The following LRCH3 variants were observed in gnomAD, a reference collection of about 807,000 sequenced individuals.
LRCH3 encodes leucine rich repeats and calponin homology domain containing 3, also known as DISP complex protein LRCH3.
LRCH3 carries 68 observed loss-of-function variants against 104.5 expected under a neutral mutation model. That is an observed-to-expected ratio of 0.65 (90% CI 0.54 to 0.80). LRCH3 has a LOEUF of 0.80. LRCH3 is among the 30% of genes least tolerant of loss of function. The pLI, the probability that LRCH3 is intolerant of heterozygous loss-of-function variation, is 0.00. For synonymous variants in LRCH3, 344 were observed against 361.3 expected, an observed-to-expected ratio of 0.95 and a Z score of 0.54; for missense variants, 951 against 953.9, an observed-to-expected ratio of 1.00 and a Z score of 0.04.
chr3:197,820,677 C>T (rs945214176), intron 4 of LRCH3, among the ~76,000 whole-genome samples: 8 of 152,126 alleles, frequency 5.3e-5, no homozygotes, highest in South Asian at 4.1e-4. Context: ...AGGGGGCTGG[C>T]GCACTCTTGT....
At chr3:197,800,968 G>A (rs1235758345) in intron 1 of LRCH3, among the ~76,000 whole-genome samples, 1 of 151,840 alleles carries the variant, frequency 6.6e-6, no homozygotes. Context: ...GGTGGCGGGC[G>A]CCTGTAATTT....
chr3:197,838,344 G>A (rs753364555), intron 9 of LRCH3, among the ~76,000 whole-genome samples: 30 of 152,278 alleles, frequency 2.0e-4, no homozygotes, highest in Non-Finnish European at 3.8e-4. Flanking sequence ...TTATTATTTG[G>A]GATCTCATGT....
chr3:197,873,970 A>G (rs145348918), intron 19 of LRCH3, among the ~76,000 whole-genome samples: 18,694 of 150,390 alleles, frequency 0.12, 1,285 homozygotes, highest in African/African-American at 0.18. Context: ...GCAGTGAGCC[A>G]AGATAGCACC....
chr3:197,797,190 G>A (rs1731308764), intron 1 of LRCH3, among the ~76,000 whole-genome samples: 2 of 151,926 alleles, frequency 1.3e-5, no homozygotes, highest in Non-Finnish European at 2.9e-5. Flanking sequence ...TTAGCTGGGC[G>A]TGGTGGTGCA....
Position 197,827,028 on chromosome 3 carries a change from G to GA in LRCH3, c.777+16dup, listed in dbSNP as rs768852215. ...CCTCCTGCACAGGTAAACCATAGTG[G>GA]AAGCATCAGGTAAACCATGGTGGAA... On this transcript the variant is annotated intron_variant, in intron 5 of 20. Transcript: ENST00000425562. The GA allele has an allele frequency of 1.9e-6, 3 of 1,555,428 alleles. No individual in the cohort carries two copies. Among genetic ancestry groups the GA allele is most frequent in the Admixed American group, 1.9e-5 (1 of 53,238 alleles).
chr3:197,856,906 C>T lies in LRCH3; in HGVS notation c.1645-1928C>T, dbSNP rs375526716. Among the ~76,000 whole-genome samples the T allele has an allele frequency of 3.9e-5, 6 of 152,150 alleles. No individual in the cohort carries two copies. Among genetic ancestry groups the T allele is most frequent in the African/African-American group, 7.2e-5 (3 of 41,394 alleles). ...TTTTGTGATGAAAAGGTCTGATGAA[C>T]GATATCATAAGGTAAATGCTGAATT... On this transcript the variant is annotated intron_variant, in intron 14 of 20. Transcript: ENST00000425562. This position sits in a 1 kb window ranked among gnomAD's most constrained non-coding sequence, Gnocchi z 4.2.
intron 1 of LRCH3, among the ~76,000 whole-genome samples, chr3:197,792,577 T>TTATATATATATGTATATATATATATA (rs1553912027): frequency 1.5e-4 from 3 of 20,346 alleles, no homozygotes; most frequent in African/African-American, 2.3e-4. Context: ...CCAGCTAATT[T>TTATATATATATGTATATATATATATA]TATATATATA....
intron 19 of LRCH3, among the ~76,000 whole-genome samples, chr3:197,873,155 T>G (rs77576870): frequency 0.13 from 19,171 of 152,132 alleles, 1,341 homozygotes; most frequent in African/African-American, 0.19. Context: ...CTCCTCTGTT[T>G]TCCTCACATT....
chr3:197,879,562 C>A (rs189761137), intron 20 of LRCH3, among the ~76,000 whole-genome samples: 4 of 148,270 alleles, frequency 2.7e-5, no homozygotes, highest in Admixed American at 1.3e-4. Context: ...GGGAGAATGG[C>A]GGGAACCCGG....
At chr3:197,811,880 A>G (rs1037647769) in intron 1 of LRCH3, among the ~76,000 whole-genome samples, 1 of 152,196 alleles carries the variant, frequency 6.6e-6, no homozygotes, top group African/African-American at 2.4e-5. Context: ...TAATTTGTGT[A>G]TTATTCATTT....
At chr3:197,866,308 T>C in intron 17 of LRCH3, 89 bp downstream of exon 17, 3 of 894,888 alleles carry the variant, frequency 3.4e-6, no homozygotes, top group Non-Finnish European at 3.7e-6. Context: ...AACTTCTGCA[T>C]ATAGTATAAG....
rs904987596 is a variant in LRCH3 at position 197,856,057 on chromosome 3, C to G, written c.1644+1612C>G. 6.6e-6 allele frequency among the ~76,000 whole-genome samples: 1 copy of G among 152,214 alleles called. No individual in the cohort carries two copies. Among genetic ancestry groups the G allele is most frequent in the African/African-American group, 2.4e-5 (1 of 41,456 alleles). On this transcript the variant is annotated intron_variant, in intron 14 of 20. Coordinates refer to ENST00000425562, the MANE Select transcript of LRCH3 (RefSeq NM_001365715.1). This position sits in a 1 kb window ranked among gnomAD's most constrained non-coding sequence, Gnocchi z 4.2. Reference sequence around the variant, plus strand: ...TGTGCCATACCAGCATTGTTTCCAGCTCTTCAAATATCATAAGCCCTTTCC... The same window carrying G: ...TGTGCCATACCAGCATTGTTTCCAGGTCTTCAAATATCATAAGCCCTTTCC...
At chr3:197,804,922 TCTCA>T (rs933044372) in intron 1 of LRCH3, among the ~76,000 whole-genome samples, 145 of 151,484 alleles carry the variant, frequency 9.6e-4, no homozygotes, top group African/African-American at 3.4e-3. Context: ...TGAGACAGAG[TCTCA>T]CTCTGTCGCC....
intron 10 of LRCH3, among the ~76,000 whole-genome samples, chr3:197,843,389 A>T (rs1738111632): frequency 6.6e-6 from 1 of 152,072 alleles, no homozygotes; most frequent in Non-Finnish European, 1.5e-5. Flanking sequence ...TGCTGGGTGT[A>T]ATCCCAGCAC....
chr3:197,818,601 A>G (rs1413524263), intron 3 of LRCH3, among the ~76,000 whole-genome samples: 1 of 152,240 alleles, frequency 6.6e-6, no homozygotes, highest in East Asian at 1.9e-4. Flanking sequence ...TAGGACATAA[A>G]GATCAGAATG....
chr3:197,867,625 G>A (rs752032218), intron 17 of LRCH3, among the ~76,000 whole-genome samples: 4 of 151,616 alleles, frequency 2.6e-5, no homozygotes, highest in Non-Finnish European at 5.9e-5. Context: ...AGGCTGAGGC[G>A]GGCAGATCAC....
rs1732994319 is a variant in LRCH3 at position 197,810,427 on chromosome 3, A to G, written c.263-4481A>G. On this transcript the variant is annotated intron_variant, in intron 1 of 20. Transcript: ENST00000425562. The surrounding 1 kb of genome is among the most constrained non-coding windows in gnomAD (Gnocchi z 4.0). Reference sequence around the variant, plus strand: ...CTCTGCCTCTGGAAGTGCTGGGATTACAGGCATGAGCTACCGTGCCTGGCT... The same window carrying G: ...CTCTGCCTCTGGAAGTGCTGGGATTGCAGGCATGAGCTACCGTGCCTGGCT... Among the ~76,000 whole-genome samples the G allele has an allele frequency of 6.6e-6, 1 of 152,174 alleles. No homozygotes were observed. The highest frequency in any genetic ancestry group is 1.5e-5 in the Non-Finnish European group (1 of 68,024).
chr3:197,791,531 A>C lies in LRCH3; in HGVS notation c.253A>C (p.Thr85Pro). ...GGCCAACCACGACCTGACGGACACC[A>C]CCCGGGCGGGTGAGCGGGGCGGGGG... Reference protein sequence around the residue: ...GAANHDLTDTTRADLSRNRLS... With the variant: ...GAANHDLTDTPRADLSRNRLS... Residue 85 changes from threonine (T) to proline (P), a missense_variant, in exon 1 of 21, where the codon ACC becomes CCC. Coordinates refer to ENST00000425562, the MANE Select transcript of LRCH3 (RefSeq NM_001365715.1). The C allele has an allele frequency of 1.3e-6, 2 of 1,583,560 alleles. No individual in the cohort carries two copies. The highest frequency in any genetic ancestry group is 1.7e-6 in the Non-Finnish European group (2 of 1,168,608).
intron 20 of LRCH3, among the ~76,000 whole-genome samples, chr3:197,879,520 C>T (rs543974306): frequency 1.3e-5 from 2 of 151,712 alleles, no homozygotes; most frequent in Middle Eastern, 6.8e-3. Context: ...GTGGCGGGCG[C>T]CTGTAGTCCC....
Sources: allele counts gnomAD v4.1 joint callset (sites outside exome capture counted in the v4.1 genomes callset), GRCh38; gene constraint gnomAD v4.1.1; non-coding constraint Gnocchi (gnomAD v3.1); transcripts MANE v1.5; gene names NCBI Gene and HGNC (gene_info 2026-07-23, HGNC 2026-07-21).